APPL2: variants seen among roughly 807,000 people sequenced by gnomAD.
APPL2 encodes the protein DCC-interacting protein 13-beta.
Under a neutral mutation model 92.7 loss-of-function variants are expected in APPL2, and 84 were observed. The observed-to-expected ratio is 0.91, with a 90% CI of 0.76 to 1.09. The LOEUF (loss-of-function observed/expected upper bound fraction) is 1.09, where lower values mean the gene tolerates loss of function less well. Among genes scored for constraint, APPL2 ranks in the 50% least tolerant of loss-of-function variants. The pLI is 0.00. For synonymous variants in APPL2, 291 were observed against 291.0 expected, an observed-to-expected ratio of 1.00 and a Z score of 0.00; for missense variants, 736 against 824.5, an observed-to-expected ratio of 0.89 and a Z score of 1.31.
intron 4 of APPL2, among the ~76,000 whole-genome samples, chr12:105,215,975 C>T (rs1351178673): frequency 6.6e-6 from 1 of 151,966 alleles, no homozygotes; most frequent in Non-Finnish European, 1.5e-5. Flanking sequence ...TGCAGTGAGC[C>T]GAGATTGCGC....
At chr12:105,188,125 T>C in intron 17 of APPL2, 148 bp downstream of exon 17, 2 of 857,964 alleles carry the variant, frequency 2.3e-6, no homozygotes, top group Non-Finnish European at 3.5e-6. Context: ...GAGCACTTTC[T>C]AGGCTATCTA....
At chr12:105,218,465 T>C (rs1229498406) in intron 2 of APPL2, among the ~76,000 whole-genome samples, 1 of 152,210 alleles carries the variant, frequency 6.6e-6, no homozygotes, top group Non-Finnish European at 1.5e-5. Flanking sequence ...ACTGGCTGTG[T>C]TGGGAGGCTC....
intron 2 of APPL2, among the ~76,000 whole-genome samples, chr12:105,223,627 G>A (rs1890286730): frequency 6.6e-6 from 1 of 152,232 alleles, no homozygotes; most frequent in Non-Finnish European, 1.5e-5. Flanking sequence ...CCAGACTGAG[G>A]TGGCTTGAGG....
In APPL2 at chr12:105,236,108, C is replaced by G; in HGVS notation, c.-96G>C. On this transcript the variant is annotated 5_prime_UTR_variant, in exon 1 of 21. Coordinates refer to ENST00000258530, the MANE Select transcript of APPL2 (RefSeq NM_018171.5). Reference sequence around the variant, plus strand: ...TCCCCGGCTCTGGGCTCAGGCGACGCGGCGGCCACTCCGTGCCCGCGGCGG... The same window carrying G: ...TCCCCGGCTCTGGGCTCAGGCGACGGGGCGGCCACTCCGTGCCCGCGGCGG... 3 of 926,350 alleles carry G rather than the reference C, an allele frequency of 3.2e-6. No homozygotes were observed. Among genetic ancestry groups the G allele is most frequent in the Non-Finnish European group, 4.1e-6 (3 of 723,814 alleles). 57.4% of individuals were successfully genotyped at this position (926,350 alleles called of 1,614,324 possible). A position where few individuals can be genotyped will look rare whatever the true frequency, so the allele number is the denominator to read the frequency against.
chr12:105,229,249 A>T (rs768773388), intron 1 of APPL2, 26 bp from the exon 2 acceptor site: 5 of 1,592,166 alleles, frequency 3.1e-6, no homozygotes, highest in Non-Finnish European at 4.3e-6. Flanking sequence ...AAAAAAGGTC[A>T]ATTTCATTTC....
chr12:105,217,484 C>A (rs1889784091), intron 3 of APPL2, among the ~76,000 whole-genome samples, 182 bp downstream of exon 3: 1 of 152,136 alleles, frequency 6.6e-6, no homozygotes, highest in Non-Finnish European at 1.5e-5. Flanking sequence ...AATTAGAATA[C>A]CTCATAAAGA....
At chr12:105,223,468 G>A (rs2136070669) in intron 2 of APPL2, among the ~76,000 whole-genome samples, 1 of 152,184 alleles carries the variant, frequency 6.6e-6, no homozygotes, top group East Asian at 1.9e-4. Flanking sequence ...AGCCCAGGAG[G>A]GGGCCAGGAG....
chr12:105,231,708 T>C (rs926507549), intron 1 of APPL2, among the ~76,000 whole-genome samples: 1 of 152,220 alleles, frequency 6.6e-6, no homozygotes, highest in Non-Finnish European at 1.5e-5. Context: ...CCACAATACC[T>C]GCCAGAGAAC....
intron 20 of APPL2, among the ~76,000 whole-genome samples, chr12:105,174,740 C>A (rs1002900386): frequency 1.3e-5 from 2 of 152,280 alleles, no homozygotes; most frequent in East Asian, 3.9e-4. Context: ...TATCTTTAAA[C>A]TCCTTCTTTT....
At chr12:105,213,685 T>C (rs547252776) in intron 4 of APPL2, among the ~76,000 whole-genome samples, 2 of 152,340 alleles carry the variant, frequency 1.3e-5, no homozygotes, top group South Asian at 2.1e-4. Context: ...TGTTGAACTT[T>C]CCTGTAATTT....
intron 7 of APPL2, 132 bp downstream of exon 7, chr12:105,207,837 AAC>A: frequency 2.7e-6 from 2 of 740,062 alleles, no homozygotes; most frequent in Non-Finnish European, 4.4e-6. Context: ...ATTTGGAATG[AAC>A]AATTTTAAAA....
In APPL2 at chr12:105,195,621, T is replaced by C; in HGVS notation, c.1059A>G (p.Ile353Met). 6.2e-7 allele frequency: 1 copy of C among 1,614,204 alleles called. No homozygotes were observed. Among genetic ancestry groups the C allele is most frequent in the Non-Finnish European group, 8.5e-7 (1 of 1,180,038 alleles). The change falls in exon 12 of 21, where the codon ATA (isoleucine) becomes ATG (methionine). Residue 353 changes from isoleucine to methionine, a missense_variant. Physicochemically the swap from Ile to Met is conservative, Grantham distance 10. Coordinates refer to ENST00000258530, the MANE Select transcript of APPL2 (RefSeq NM_018171.5). ...CCTTTCTGCTCTCAGCCTGGAGGAT[T>C]ATTCCCCTGAAACAAAAGTGTCTAA... ...QITTPNGKSG[I>M]ILQAESRKEN... is the part of the protein sequence containing the mutation.
At chr12:105,214,963 G>A (rs1889556223) in intron 4 of APPL2, among the ~76,000 whole-genome samples, 1 of 152,218 alleles carries the variant, frequency 6.6e-6, no homozygotes, top group African/African-American at 2.4e-5. Context: ...GAGCCCAGAG[G>A]GGTGACGTCC....
At chr12:105,195,835 G>A (rs1887593282) in intron 11 of APPL2, among the ~76,000 whole-genome samples, 1 of 152,124 alleles carries the variant, frequency 6.6e-6, no homozygotes, top group African/African-American at 2.4e-5. Context: ...CAGGAGGATG[G>A]CTTGAGCCCA....
intron 9 of APPL2, among the ~76,000 whole-genome samples, chr12:105,199,938 C>T (rs950703358): frequency 1.3e-5 from 2 of 152,000 alleles, no homozygotes; most frequent in Non-Finnish European, 2.9e-5. Flanking sequence ...CCTGCCTCAG[C>T]CTCTCGAGTA....
chr12:105,212,105 C>T (rs1462543020), intron 4 of APPL2, among the ~76,000 whole-genome samples: 1 of 108,510 alleles, frequency 9.2e-6, no homozygotes, highest in Non-Finnish European at 1.7e-5. Flanking sequence ...GGTGACAGAG[C>T]GAGACTCCAT....
chr12:105,234,777 T>G (rs1199681055), intron 1 of APPL2, among the ~76,000 whole-genome samples: 1 of 61,012 alleles, frequency 1.6e-5, no homozygotes, highest in Non-Finnish European at 3.1e-5. Flanking sequence ...GCCAGGAGTC[T>G]ACAGCCATAT....
At chr12:105,213,492 G>A (rs147831774) in intron 4 of APPL2, among the ~76,000 whole-genome samples, 52 of 152,232 alleles carry the variant, frequency 3.4e-4, no homozygotes, top group Middle Eastern at 3.4e-3. Context: ...ATATATGCTC[G>A]GTCTTCAATC....
At chr12:105,189,227 C>T (rs1441643436) in intron 16 of APPL2, among the ~76,000 whole-genome samples, 1 of 152,076 alleles carries the variant, frequency 6.6e-6, no homozygotes, top group African/African-American at 2.4e-5. Flanking sequence ...ACAGGGTTCT[C>T]ACTGTGTTGC....
Sources: allele counts gnomAD v4.1 joint callset (sites outside exome capture counted in the v4.1 genomes callset), GRCh38; gene constraint gnomAD v4.1.1; transcripts MANE v1.5; gene names NCBI Gene and HGNC (gene_info 2026-07-23, HGNC 2026-07-21).